Variants in COL25A1 observed in about 807,000 individuals in gnomAD.
COL25A1 encodes collagen alpha-1(XXV) chain.
A neutral mutation model predicts 128.4 loss-of-function variants in COL25A1; 103 were observed. The ratio of observed to expected loss-of-function variants is 0.80; its 90% CI spans 0.68 to 0.94. The LOEUF is 0.94. COL25A1 is among the 40% of genes least tolerant of loss of function. COL25A1 has a pLI of 0.00. For synonymous variants in COL25A1, 279 were observed against 277.2 expected (o/e 1.01, Z -0.06); for missense variants, 745 against 840.0 (o/e 0.89, Z 1.40).
intron 31 of COL25A1, among the ~76,000 whole-genome samples, chr4:108,835,859 G>GTTTTTTTTTTT (rs1560721327): frequency 4.5e-5 from 4 of 89,518 alleles, no homozygotes; most frequent in Admixed American, 1.6e-4. Context: ...GCTTACATAC[G>GTTTTTTTTTTT]TCTTTTTTTT....
At chr4:109,267,591 T>C (rs1781879013) in intron 3 of COL25A1, among the ~76,000 whole-genome samples, 1 of 152,170 alleles carries the variant, frequency 6.6e-6, no homozygotes, top group African/African-American at 2.4e-5. Context: ...GTTAGTATAG[T>C]ATATCTCCTT....
At chr4:109,190,085 G>T (rs993799617) in intron 3 of COL25A1, among the ~76,000 whole-genome samples, 1 of 152,066 alleles carries the variant, frequency 6.6e-6, no homozygotes, top group Non-Finnish European at 1.5e-5. Flanking sequence ...AGAAAAGTAT[G>T]ATATGTCCTC....
intron 6 of COL25A1, among the ~76,000 whole-genome samples, chr4:108,977,063 C>A (rs1052894066): frequency 6.6e-6 from 1 of 152,150 alleles, no homozygotes; most frequent in Non-Finnish European, 1.5e-5. Flanking sequence ...GGTTTTGACA[C>A]AAAGTATTGG....
chr4:109,135,705 T>C (rs752449062), intron 3 of COL25A1, among the ~76,000 whole-genome samples: 1 of 152,182 alleles, frequency 6.6e-6, no homozygotes, highest in Admixed American at 6.5e-5. Context: ...CACACACATC[T>C]ACTTATTAAG....
chr4:109,189,240 T>C (rs931373264), intron 3 of COL25A1, among the ~76,000 whole-genome samples: 10 of 152,110 alleles, frequency 6.6e-5, no homozygotes, highest in African/African-American at 2.4e-4. Context: ...TCAATGAATT[T>C]TCTCCTATTT....
At chr4:109,085,603 C>T (rs1406771231) in intron 3 of COL25A1, among the ~76,000 whole-genome samples, 2 of 152,124 alleles carry the variant, frequency 1.3e-5, no homozygotes, top group African/African-American at 4.8e-5. Context: ...ATTTCCATTG[C>T]ACAAAAAGCC....
chr4:109,256,986 G>C (rs1781128104), intron 3 of COL25A1, among the ~76,000 whole-genome samples: 1 of 152,026 alleles, frequency 6.6e-6, no homozygotes, highest in South Asian at 2.1e-4. Context: ...ATTTTATCTA[G>C]GCTCATCTAT....
At chr4:108,918,855 G>A (rs1205213082) in intron 12 of COL25A1, among the ~76,000 whole-genome samples, 1 of 152,252 alleles carries the variant, frequency 6.6e-6, no homozygotes, top group Non-Finnish European at 1.5e-5. Flanking sequence ...GTGGGCGTGT[G>A]TGTGCACATG....
chr4:109,154,675 A>G (rs773932138), intron 3 of COL25A1, among the ~76,000 whole-genome samples: 17 of 152,222 alleles, frequency 1.1e-4, no homozygotes, highest in Non-Finnish European at 1.8e-4. Context: ...AACATTCACA[A>G]TCATCATCAA....
intron 19 of COL25A1, among the ~76,000 whole-genome samples, chr4:108,869,593 G>A (rs1364313043): frequency 2.0e-5 from 3 of 152,206 alleles, no homozygotes; most frequent in African/African-American, 4.8e-5. Flanking sequence ...AGGACACCCA[G>A]TTGGTGTCAG....
intron 3 of COL25A1, among the ~76,000 whole-genome samples, chr4:109,273,212 T>C (rs912206279): frequency 5.3e-5 from 8 of 152,132 alleles, no homozygotes; most frequent in Admixed American, 2.6e-4. Context: ...AGATTCTCAA[T>C]TGATTAAAAA....
At chr4:109,096,264 C>A (rs1765390883) in intron 3 of COL25A1, among the ~76,000 whole-genome samples, 1 of 152,184 alleles carries the variant, frequency 6.6e-6, no homozygotes, top group Non-Finnish European at 1.5e-5. Context: ...TGATTACTGT[C>A]ATGCACCACA....
chr4:109,156,068 G>C (rs112431970), intron 3 of COL25A1, among the ~76,000 whole-genome samples: 1 of 152,160 alleles, frequency 6.6e-6, no homozygotes, highest in African/African-American at 2.4e-5. Flanking sequence ...AGCTGATGCT[G>C]TCAACTGCCG....
intron 3 of COL25A1, among the ~76,000 whole-genome samples, chr4:109,270,762 A>G (rs1242705990): frequency 6.6e-6 from 1 of 152,128 alleles, no homozygotes; most frequent in Non-Finnish European, 1.5e-5. Flanking sequence ...TTGAGACTAT[A>G]CTATGTGTCA....
chr4:109,007,195 C>A (rs1164230493), intron 6 of COL25A1, among the ~76,000 whole-genome samples: 1 of 152,086 alleles, frequency 6.6e-6, no homozygotes, highest in Non-Finnish European at 1.5e-5. Context: ...AGGAAAGTAA[C>A]ACATTACAAT....
intron 8 of COL25A1, among the ~76,000 whole-genome samples, chr4:108,954,909 A>T (rs1749885390): frequency 6.6e-6 from 1 of 152,034 alleles, no homozygotes; most frequent in Non-Finnish European, 1.5e-5. Flanking sequence ...TAAAAGCAAT[A>T]GCCCAATTTA....
chr4:109,158,587 T>C (rs1772251373), intron 3 of COL25A1, among the ~76,000 whole-genome samples: 1 of 152,150 alleles, frequency 6.6e-6, no homozygotes, highest in South Asian at 2.1e-4. Flanking sequence ...GAAGACTAAG[T>C]CGTGGCCCTG....
intron 3 of COL25A1, among the ~76,000 whole-genome samples, chr4:109,128,016 A>G (rs962160874): frequency 5.9e-5 from 9 of 152,192 alleles, no homozygotes; most frequent in African/African-American, 1.9e-4. Context: ...GCATGGAAAT[A>G]AAGGAAAACC....
intron 5 of COL25A1, among the ~76,000 whole-genome samples, chr4:109,027,181 TG>T (rs1270022453): frequency 1.2e-4 from 19 of 152,192 alleles, no homozygotes; most frequent in Non-Finnish European, 7.3e-5. Flanking sequence ...ATGAATAATG[TG>T]GCAGACAGCG....
Sources: allele counts gnomAD v4.1 joint callset (sites outside exome capture counted in the v4.1 genomes callset), GRCh38; gene constraint gnomAD v4.1.1; transcripts MANE v1.5; gene names NCBI Gene and HGNC (gene_info 2026-07-23, HGNC 2026-07-21).